PTN: variants seen among roughly 807,000 people sequenced by gnomAD.
The protein encoded by PTN is heparin affin regulatory protein.
PTN carries 18 observed loss-of-function variants against 24.1 expected under a neutral mutation model. The observed-to-expected ratio is 0.75, with a 90% CI of 0.52 to 1.11. PTN has a LOEUF of 1.11. Among genes scored for constraint, PTN ranks in the 50% least tolerant of loss-of-function variants. PTN has a pLI of 0.00. For missense variants in PTN, 163 were observed against 198.8 expected (o/e 0.82, Z 1.08); for synonymous variants, 78 against 68.6 (o/e 1.14, Z -0.67).
chr7:137,329,869 G>A (rs754704923), intron 1 of PTN, among the ~76,000 whole-genome samples: 4 of 152,128 alleles, frequency 2.6e-5, no homozygotes, highest in African/African-American at 9.7e-5. Flanking sequence ...GAACAATGAG[G>A]TTCAGCAACA....
At chr7:137,248,359 T>C (rs2128870409) in intron 4 of PTN, among the ~76,000 whole-genome samples, 1 of 152,258 alleles carries the variant, frequency 6.6e-6, no homozygotes, top group South Asian at 2.1e-4. Flanking sequence ...ATTTTATATC[T>C]GACACATCTC....
intron 1 of PTN, among the ~76,000 whole-genome samples, chr7:137,260,744 C>G (rs1303256747): frequency 6.6e-6 from 1 of 152,130 alleles, no homozygotes; most frequent in East Asian, 1.9e-4. Context: ...GACTCAGGTG[C>G]TATCCCTTTG....
At chr7:137,240,547 AAAG>A (rs1321811649) in intron 4 of PTN, among the ~76,000 whole-genome samples, 1 of 152,244 alleles carries the variant, frequency 6.6e-6, no homozygotes, top group Non-Finnish European at 1.5e-5. Context: ...GTATGAAAGA[AAAG>A]AAGAAGGAAA....
chr7:137,270,453 A>T (rs946318243), intron 1 of PTN, among the ~76,000 whole-genome samples: 1 of 152,240 alleles, frequency 6.6e-6, no homozygotes, highest in African/African-American at 2.4e-5. Context: ...TTAGTTTAAG[A>T]AAGTACAGTA....
chr7:137,304,613 G>C (rs1241986058), intron 1 of PTN, among the ~76,000 whole-genome samples: 1 of 152,048 alleles, frequency 6.6e-6, no homozygotes, highest in African/African-American at 2.4e-5. Context: ...AGTTCACGTG[G>C]AATGCAAGCT....
intron 3 of PTN, among the ~76,000 whole-genome samples, chr7:137,252,543 A>T (rs1808846621): frequency 6.6e-6 from 1 of 151,848 alleles, no homozygotes; most frequent in African/African-American, 2.4e-5. Context: ...GACCAAATGT[A>T]CCTGTTCTCC....
intron 1 of PTN, among the ~76,000 whole-genome samples, chr7:137,277,140 C>G (rs1809373900): frequency 6.6e-6 from 1 of 152,140 alleles, no homozygotes; most frequent in African/African-American, 2.4e-5. Context: ...AAACTGGACA[C>G]TTTATCAAAG....
At chr7:137,314,251 T>TA (rs1326854265) in intron 1 of PTN, among the ~76,000 whole-genome samples, 1 of 152,160 alleles carries the variant, frequency 6.6e-6, no homozygotes, top group East Asian at 1.9e-4. Flanking sequence ...AGGGCATACA[T>TA]TGAGTACTCC....
chr7:137,262,501 G>C (rs935387239), intron 1 of PTN, among the ~76,000 whole-genome samples: 1 of 151,972 alleles, frequency 6.6e-6, no homozygotes, highest in African/African-American at 2.4e-5. Flanking sequence ...TTTTGAAACA[G>C]TAGGTTACTG....
chr7:137,331,565 A>AGC (rs1810360450), intron 1 of PTN, among the ~76,000 whole-genome samples: 1 of 151,742 alleles, frequency 6.6e-6, no homozygotes, highest in Non-Finnish European at 1.5e-5. Context: ...ATTCCAAATA[A>AGC]TAACAGAGCA....
chr7:137,263,606 CTAAG>C (rs1162658721), intron 1 of PTN, among the ~76,000 whole-genome samples: 2 of 152,108 alleles, frequency 1.3e-5, no homozygotes, highest in Non-Finnish European at 1.5e-5. Context: ...TGTCTTGTGC[CTAAG>C]TACCAGGCCT....
chr7:137,238,588 C>G (rs565778935), intron 4 of PTN, among the ~76,000 whole-genome samples: 1 of 152,022 alleles, frequency 6.6e-6, no homozygotes, highest in Non-Finnish European at 1.5e-5. Flanking sequence ...CTAAAGAGAT[C>G]CGGCAGTGAT....
At chr7:137,237,656 T>C (rs1250482140) in intron 4 of PTN, among the ~76,000 whole-genome samples, 1 of 152,152 alleles carries the variant, frequency 6.6e-6, no homozygotes, top group East Asian at 1.9e-4. Flanking sequence ...CATTAATTCT[T>C]TCACCCCCCT....
intron 1 of PTN, among the ~76,000 whole-genome samples, chr7:137,260,927 T>C (rs949603589): frequency 6.6e-6 from 1 of 152,180 alleles, no homozygotes; most frequent in Admixed American, 6.6e-5. Context: ...CATAATTCCA[T>C]AAAGAAATGT....
At chr7:137,305,522 CAT>C (rs1373914890) in intron 1 of PTN, among the ~76,000 whole-genome samples, 2 of 152,098 alleles carry the variant, frequency 1.3e-5, no homozygotes, top group African/African-American at 4.8e-5. Flanking sequence ...TCCTCACTGA[CAT>C]ATTCCAGCTA....
intron 1 of PTN, among the ~76,000 whole-genome samples, chr7:137,280,369 A>G (rs1356026595): frequency 6.6e-6 from 1 of 152,042 alleles, no homozygotes; most frequent in Non-Finnish European, 1.5e-5. Flanking sequence ...AAATTAAAGC[A>G]TTGTCAAAAT....
chr7:137,304,182 T>C (rs527276412), intron 1 of PTN, among the ~76,000 whole-genome samples: 5 of 152,146 alleles, frequency 3.3e-5, no homozygotes, highest in African/African-American at 1.2e-4. Context: ...TTTCCTCTGA[T>C]CTTTCCCTTC....
intron 1 of PTN, chr7:137,326,819 C>T (rs1196833479): frequency 6.6e-6 from 1 of 152,152 alleles, no homozygotes; most frequent in Non-Finnish European, 1.5e-5. Context: ...CATGTGCCTG[C>T]CTGCTCCCCC....
chr7:137,262,840 T>C (rs1346616120), intron 1 of PTN, among the ~76,000 whole-genome samples: 1 of 152,184 alleles, frequency 6.6e-6, no homozygotes, highest in Non-Finnish European at 1.5e-5. Flanking sequence ...GTGGAATTTT[T>C]ACTACCAGGC....
Sources: gnomAD v4.1 joint callset for allele counts (sites outside exome capture counted in the v4.1 genomes callset) on GRCh38, gnomAD v4.1.1 for gene constraint, MANE v1.5 for transcripts, NCBI Gene and HGNC (gene_info 2026-07-23, HGNC 2026-07-21) for gene names.